Variants in PCNX2 observed in about 807,000 individuals in gnomAD.
PCNX2 encodes the protein pecanex 2.
In PCNX2, 168 loss-of-function variants were observed where a neutral mutation model predicts 223.8. The ratio of observed to expected loss-of-function variants is 0.75; its 90% CI spans 0.66 to 0.85. PCNX2 has a LOEUF of 0.85. Ranked by LOEUF, PCNX2 falls within the 40% of genes least tolerant of loss-of-function variation. PCNX2 has a pLI of 0.00. For synonymous variants in PCNX2, 1,006 were observed against 1,052.6 expected, an observed-to-expected ratio of 0.96 and a Z score of 0.86; for missense variants, 2,507 against 2,675.5, an observed-to-expected ratio of 0.94 and a Z score of 1.39.
At chr1:233,298,883 A>G (rs199806298), upstream of PCNX2, among the ~76,000 whole-genome samples, 8 of 151,540 alleles carry the variant, frequency 5.3e-5, no homozygotes, top group Middle Eastern at 3.4e-3. Flanking sequence ...CTGCATCTCA[A>G]AAACAAACAA....
intron 25 of PCNX2, among the ~76,000 whole-genome samples, chr1:233,035,498 G>A (rs531396078): frequency 2.2e-4 from 34 of 152,294 alleles, no homozygotes; most frequent in African/African-American, 7.2e-4. Context: ...CTGAGCTGGC[G>A]TTCTGCATAT....
chr1:233,055,904 C>T (rs937290818), intron 24 of PCNX2, among the ~76,000 whole-genome samples: 1 of 151,982 alleles, frequency 6.6e-6, no homozygotes, highest in African/African-American at 2.4e-5. Flanking sequence ...GTGAAGATGC[C>T]CCAAGTGCGC....
In PCNX2 at chr1:233,057,221, G is replaced by C; in HGVS notation, c.4135+11C>G. The C allele has an allele frequency of 6.3e-7, 1 of 1,581,306 alleles. No homozygotes were observed. Among genetic ancestry groups the C allele is most frequent in the Non-Finnish European group, 8.7e-7 (1 of 1,153,574 alleles). Reference sequence around the variant, plus strand: ...ATAAATAGTTGAAAAAGAGAGAAGAGATCTTCTTACCTGGATCTCTTTCAA... The same window carrying C: ...ATAAATAGTTGAAAAAGAGAGAAGACATCTTCTTACCTGGATCTCTTTCAA... On this transcript the variant is annotated intron_variant, in intron 24 of 33. Transcript: ENST00000258229.
the PCNX2 span, among the ~76,000 whole-genome samples, chr1:233,323,326 A>T: frequency 6.6e-6 from 1 of 152,222 alleles, no homozygotes; most frequent in Non-Finnish European, 1.5e-5. Flanking sequence ...CCCAAATTCT[A>T]AAATCATCAG....
At chr1:233,281,598 C>T (rs940573178) in intron 1 of PCNX2, among the ~76,000 whole-genome samples, 1 of 152,112 alleles carries the variant, frequency 6.6e-6, no homozygotes, top group African/African-American at 2.4e-5. Flanking sequence ...AAAAAATTAA[C>T]TTATTATATA....
Position 233,088,863 on chromosome 1 carries a change from T to G in PCNX2, c.4076+1198A>C, listed in dbSNP as rs143077775. ...TCAGGCCCACGTGGTGCTTACTTTGTGGCAGCCCCTGCTCTCCGTGTTTTA... is the reference window on the plus strand; with the variant it reads ...TCAGGCCCACGTGGTGCTTACTTTGGGGCAGCCCCTGCTCTCCGTGTTTTA... On this transcript the variant is annotated intron_variant, in intron 23 of 33. Coordinates refer to ENST00000258229, the MANE Select transcript of PCNX2 (RefSeq NM_014801.4). Among the ~76,000 whole-genome samples, 371 of 152,344 alleles carry G rather than the reference T, an allele frequency of 2.4e-3. 2 individuals carry two copies. Among genetic ancestry groups the G allele is most frequent in the African/African-American group, 8.7e-3 (360 of 41,582 alleles).
rs1021958934 is a variant in PCNX2 at position 233,150,491 on chromosome 1, G to A, written c.3517+9792C>T. Among the ~76,000 whole-genome samples the A allele has an allele frequency of 5.9e-5, 9 of 152,296 alleles. No homozygotes were observed. The East Asian group carries it at 1.7e-3, about 29-fold the overall frequency. ...AGAGAATCAGAATATTAAAGTTTAT[G>A]TTTTTCAAGGAATAAAAACTTTCAT... On this transcript the variant is annotated intron_variant, in intron 19 of 33. Transcript: ENST00000258229.
At chr1:233,165,737 A>T (rs1201598742) in intron 17 of PCNX2, among the ~76,000 whole-genome samples, 2 of 152,304 alleles carry the variant, frequency 1.3e-5, no homozygotes, top group African/African-American at 4.8e-5. Flanking sequence ...AAATGGGGAG[A>T]TATACTGCAT....
chr1:233,074,550 C>T (rs1673002010), intron 23 of PCNX2, among the ~76,000 whole-genome samples: 1 of 143,882 alleles, frequency 7.0e-6, no homozygotes, highest in African/African-American at 2.6e-5. Context: ...AGCCGAGATC[C>T]CGCCACTGCA....
chr1:233,112,717 T>G, intron 21 of PCNX2: 2 of 684,098 alleles, frequency 2.9e-6, no homozygotes, highest in South Asian at 3.3e-5. Context: ...CTTTGAACAA[T>G]ATAACTAAAT....
At chr1:233,050,704 A>C (rs1671973563) in intron 25 of PCNX2, among the ~76,000 whole-genome samples, 1 of 152,236 alleles carries the variant, frequency 6.6e-6, no homozygotes, top group East Asian at 1.9e-4. Context: ...AAAGATTTAA[A>C]TGTAAGACCT....
At position 233,017,100 on chromosome 1, in the gene PCNX2, C is replaced by T. The variant is rs377345229; in HGVS notation, c.4660G>A (p.Glu1554Lys). The change falls in exon 27 of 34, where the codon GAA (glutamate) becomes AAA (lysine). Residue 1554 changes from glutamate (E) to lysine (K), a missense_variant. By Grantham distance (56) the Glu-to-Lys change is moderately conservative (BLOSUM62 1). Transcript: ENST00000258229. Reference sequence around the variant, plus strand: ...GGCTGCAGGGACTTCAGAAGTGATTCATTTTTGATCCAGGAGAGGAGTTTG... The same window carrying T: ...GGCTGCAGGGACTTCAGAAGTGATTTATTTTTGATCCAGGAGAGGAGTTTG... The part of the protein sequence containing the change: ...SPKLLSWIKN[E>K]SLLKSLQPFA... 42 of 1,608,918 alleles carry T rather than the reference C, an allele frequency of 2.6e-5. No individual in the cohort carries two copies. The Admixed American group carries it at 3.4e-4, about 13-fold the overall frequency.
chr1:233,152,448 A>G (rs1677873916), intron 19 of PCNX2, among the ~76,000 whole-genome samples: 1 of 152,168 alleles, frequency 6.6e-6, no homozygotes, highest in Non-Finnish European at 1.5e-5. Flanking sequence ...TAAGGAATAC[A>G]TCCTTCCTCC....
chr1:233,281,107 G>C (rs774503502), intron 1 of PCNX2, among the ~76,000 whole-genome samples: 1 of 152,124 alleles, frequency 6.6e-6, no homozygotes, highest in African/African-American at 2.4e-5. Context: ...CAGTCGGAGG[G>C]GTTGATATAT....
At chr1:233,172,816 T>G (rs12034881) in intron 17 of PCNX2, among the ~76,000 whole-genome samples, 8,982 of 152,268 alleles carry the variant, frequency 0.059, 518 homozygotes, top group East Asian at 0.31. Context: ...GAATTTTTAG[T>G]TTTAATCAGC....
rs558894386 is a variant in PCNX2 at position 233,074,332 on chromosome 1, C to T, written c.4076+15729G>A. ...GGACGAGGCCGGGCGCGGTGGCTCA[C>T]GCCTGTAATCCCAGCACTTTGGGAG... On this transcript the variant is annotated intron_variant, in intron 23 of 33. Coordinates refer to ENST00000258229, the MANE Select transcript of PCNX2 (RefSeq NM_014801.4). Among the ~76,000 whole-genome samples the T allele has an allele frequency of 9.2e-5, 14 of 152,222 alleles. No homozygotes were observed. The South Asian group carries it at 1.9e-3, about 20-fold the overall frequency.
chr1:233,128,896 G>A (rs142068536), intron 21 of PCNX2, among the ~76,000 whole-genome samples: 1 of 152,194 alleles, frequency 6.6e-6, no homozygotes, highest in African/African-American at 2.4e-5. Context: ...GTGGTAGGAG[G>A]GTCCCATGTC....
chr1:233,003,380 G>A (rs1234635194), intron 28 of PCNX2, among the ~76,000 whole-genome samples: 7 of 152,122 alleles, frequency 4.6e-5, no homozygotes, highest in Non-Finnish European at 7.4e-5. Context: ...ACATTTATGC[G>A]GCCAACAAAC....
chr1:232,988,733 T>C (rs1400646190), intron 32 of PCNX2, among the ~76,000 whole-genome samples: 3 of 152,216 alleles, frequency 2.0e-5, no homozygotes, highest in African/African-American at 4.8e-5. Flanking sequence ...GGATTCGGAT[T>C]AGTTATGAAT....
Sources: allele counts gnomAD v4.1 joint callset (sites outside exome capture counted in the v4.1 genomes callset), GRCh38; gene constraint gnomAD v4.1.1; transcripts MANE v1.5; gene names NCBI Gene and HGNC (gene_info 2026-07-23, HGNC 2026-07-21).